The following ADGRD1 variants were observed in gnomAD, a reference collection of about 807,000 sequenced individuals.
ADGRD1 encodes the protein G-protein coupled receptor 133.
ADGRD1 carries 77 observed loss-of-function variants against 113.4 expected under a neutral mutation model. That is an observed-to-expected ratio of 0.68 (90% CI 0.57 to 0.82). The LOEUF (loss-of-function observed/expected upper bound fraction) is 0.82, where lower values mean the gene tolerates loss of function less well. Among genes scored for constraint, ADGRD1 ranks in the 40% least tolerant of loss-of-function variants. The pLI is 0.00. For missense variants in ADGRD1, 1,036 were observed against 1,139.1 expected, an observed-to-expected ratio of 0.91 and a Z score of 1.30; for synonymous variants, 474 against 475.0, an observed-to-expected ratio of 1.00 and a Z score of 0.03.
At chr12:130,968,187 G>C (rs1005336130) in intron 3 of ADGRD1, 4 of 152,176 alleles carry the variant, frequency 2.6e-5, no homozygotes, top group African/African-American at 9.7e-5. Context: ...TTGGTGCTTT[G>C]AAACCTTTAC....
intron 5 of ADGRD1, 143 bp from the exon 6 acceptor site, chr12:130,986,948 CTGTG>C: frequency 1.5e-6 from 1 of 646,656 alleles, no homozygotes. Flanking sequence ...AAAGTCAGGT[CTGTG>C]TTATACCTTG....
chr12:130,955,405 C>T (rs938038167), intron 2 of ADGRD1, among the ~76,000 whole-genome samples: 3 of 152,174 alleles, frequency 2.0e-5, no homozygotes, highest in Non-Finnish European at 2.9e-5. Flanking sequence ...GCCACCCTTG[C>T]TCCAGCCCCA....
At position 131,139,418 on chromosome 12, in the gene ADGRD1, T is replaced by C; in HGVS notation, c.*155T>C. The C allele has an allele frequency of 1.6e-6, 1 of 621,776 alleles. No homozygotes were observed. The highest frequency in any genetic ancestry group is 2.4e-5 in the Admixed American group (1 of 41,860). 38.5% of individuals were successfully genotyped at this position (621,776 alleles called of 1,614,324 possible). Reference sequence around the variant, plus strand: ...AGCTGTCCTCCCCTGTGACTCTGGCTGTCGGAGCACACTGCTCAGCCCAGC... The same window carrying C: ...AGCTGTCCTCCCCTGTGACTCTGGCCGTCGGAGCACACTGCTCAGCCCAGC... On this transcript the variant is annotated 3_prime_UTR_variant, in exon 25 of 25. Coordinates refer to ENST00000261654, the MANE Select transcript of ADGRD1 (RefSeq NM_198827.5).
chr12:131,053,534 G>A (rs2137053093), intron 13 of ADGRD1, among the ~76,000 whole-genome samples: 1 of 152,214 alleles, frequency 6.6e-6, no homozygotes, highest in South Asian at 2.1e-4. Flanking sequence ...GAAGTAATCG[G>A]CCATCACCCC....
intron 13 of ADGRD1, among the ~76,000 whole-genome samples, chr12:131,049,873 G>C (rs926213062): frequency 1.3e-5 from 2 of 152,208 alleles, no homozygotes; most frequent in African/African-American, 4.8e-5. Context: ...TCCCAGTCAA[G>C]GTCTCTGGCT....
chr12:131,056,755 G>A (rs1271104008), intron 13 of ADGRD1, among the ~76,000 whole-genome samples: 3 of 152,226 alleles, frequency 2.0e-5, no homozygotes, highest in Admixed American at 6.5e-5. Flanking sequence ...GGAAGACCCC[G>A]TGGGGATAAT....
intron 13 of ADGRD1, among the ~76,000 whole-genome samples, chr12:131,029,162 A>G (rs2136914897): frequency 6.6e-6 from 1 of 152,250 alleles, no homozygotes; most frequent in East Asian, 1.9e-4. Flanking sequence ...TTGTTTTGTT[A>G]GTGACTTCTG....
rs745999929 is a variant in ADGRD1, at chr12:130,992,360, C to G, written c.934C>G (p.Leu312Val). The G allele has an allele frequency of 3.1e-6, 5 of 1,613,734 alleles. No homozygotes were observed. The highest frequency in any genetic ancestry group is 4.2e-6 in the Non-Finnish European group (5 of 1,179,860). ...ATCCCTCAGCTTACCCAGTAAGTCC[C>G]TCTCGGAGCAGACAGCCTTGAATCT... Reference protein sequence around the residue: ...NVSLSLPSKSLSEQTALNLTK... With the variant: ...NVSLSLPSKSVSEQTALNLTK... The change falls in exon 8 of 25, where the codon CTC becomes GTC. Residue 312 changes from leucine (L) to valine (V), a missense_variant. Physicochemically the swap from Leu to Val is conservative, Grantham distance 32. Transcript: ENST00000261654.
chr12:131,034,562 A>C (rs531086214), intron 13 of ADGRD1, among the ~76,000 whole-genome samples: 2 of 152,306 alleles, frequency 1.3e-5, no homozygotes, highest in East Asian at 3.8e-4. Flanking sequence ...AGAGAGGGAC[A>C]GAGAGAGAGA....
At chr12:131,105,035 T>G (rs762435219) in intron 16 of ADGRD1, 101 bp downstream of exon 16, 94 of 820,804 alleles carry the variant, frequency 1.1e-4, no homozygotes, top group Non-Finnish European at 1.6e-4. Context: ...GCTGTGGAGG[T>G]AAGAGCACCA....
chr12:131,138,347 T>C, intron 24 of ADGRD1, 118 bp downstream of exon 24: 2 of 773,584 alleles, frequency 2.6e-6, no homozygotes, highest in African/African-American at 1.7e-5. Context: ...GCAGTCTTTG[T>C]CCCCCTCTCA....
chr12:130,974,211 G>A (rs185962987), intron 4 of ADGRD1, among the ~76,000 whole-genome samples: 6 of 152,318 alleles, frequency 3.9e-5, no homozygotes, highest in Admixed American at 1.3e-4. Flanking sequence ...AAAACAAGCC[G>A]TGAACAGGGA....
At chr12:131,127,072 T>C (rs1950754300) in intron 20 of ADGRD1, among the ~76,000 whole-genome samples, 1 of 151,204 alleles carries the variant, frequency 6.6e-6, no homozygotes, top group African/African-American at 2.4e-5. Flanking sequence ...CCTGATAAGA[T>C]GGAAAAAATG....
chr12:131,120,858 C>T lies in ADGRD1; in HGVS notation c.2120C>T (p.Ser707Leu), dbSNP rs1439041445. ...GCTTCCCTCCGCAGTTGCTGGCTGT[C>T]GTTGGCGAGTGGCGCCATCTGGGCC... Reference protein sequence around the residue: ...SYGTSNNCWLSLASGAIWAFV... With the variant: ...SYGTSNNCWLLLASGAIWAFV... The change falls in exon 20 of 25, where the codon TCG (serine) becomes TTG (leucine). Residue 707 changes from serine (S) to leucine (L), a missense_variant. Transcript: ENST00000261654. 6.2e-6 allele frequency: 10 copies of T among 1,614,116 alleles called. No homozygotes were observed. Among genetic ancestry groups the T allele is most frequent in the Middle Eastern group, 1.6e-4 (1 of 6,084 alleles).
intron 23 of ADGRD1, chr12:131,137,543 G>C (rs974759584): frequency 2.0e-4 from 41 of 203,832 alleles, no homozygotes; most frequent in African/African-American, 8.6e-4. Context: ...CCCCTACCAG[G>C]CTGAGGTTGT....
chr12:131,038,699 G>A (rs368222555), intron 13 of ADGRD1, among the ~76,000 whole-genome samples: 18 of 152,294 alleles, frequency 1.2e-4, no homozygotes, highest in Middle Eastern at 3.4e-3. Flanking sequence ...ACTCTGCCAC[G>A]AGAGCACAGC....
intron 4 of ADGRD1, among the ~76,000 whole-genome samples, chr12:130,974,087 G>A (rs568848509): frequency 5.7e-4 from 86 of 152,202 alleles, no homozygotes; most frequent in Non-Finnish European, 9.4e-4. Context: ...CAAGGTGACC[G>A]GGCCATGAGC....
At chr12:131,115,080 T>C (rs1950432465) in intron 18 of ADGRD1, among the ~76,000 whole-genome samples, 1 of 152,176 alleles carries the variant, frequency 6.6e-6, no homozygotes, top group South Asian at 2.1e-4. Flanking sequence ...CGTAATGCCA[T>C]GATCACAGGA....
intron 12 of ADGRD1, among the ~76,000 whole-genome samples, chr12:131,011,242 A>G (rs1161333255): frequency 6.7e-6 from 1 of 149,336 alleles, no homozygotes; most frequent in Admixed American, 6.7e-5. Flanking sequence ...GCTCCTAAGG[A>G]GGCGTCTGGC....
Sources: allele counts gnomAD v4.1 joint callset (sites outside exome capture counted in the v4.1 genomes callset), GRCh38; gene constraint gnomAD v4.1.1; transcripts MANE v1.5; gene names NCBI Gene and HGNC (gene_info 2026-07-23, HGNC 2026-07-21).